CSMD3: variants seen among roughly 807,000 people sequenced by gnomAD.
The protein encoded by CSMD3 is CUB and sushi domain-containing protein 3.
Under a neutral mutation model 435.2 loss-of-function variants are expected in CSMD3, and 177 were observed. That is an observed-to-expected ratio of 0.41 (90% confidence interval 0.36 to 0.46). The LOEUF is 0.46. CSMD3 is among the 20% of genes least tolerant of loss of function. The probability of loss-of-function intolerance (pLI) is 0.34; values close to 1 mark genes in which losing one functional copy is unlikely to be tolerated. For missense variants in CSMD3, 4,265 were observed against 4,504.6 expected, an observed-to-expected ratio of 0.95 and a Z score of 1.52; for synonymous variants, 1,656 against 1,520.5, an observed-to-expected ratio of 1.09 and a Z score of -2.07.
intron 11 of CSMD3, among the ~76,000 whole-genome samples, chr8:112,840,549 T>C (rs2080149710): frequency 6.6e-6 from 1 of 151,744 alleles, no homozygotes; most frequent in Non-Finnish European, 1.5e-5. Flanking sequence ...TTTTGAATGT[T>C]ATTATACAAA....
intron 39 of CSMD3, 125 bp downstream of exon 39, chr8:112,352,291 A>C: frequency 7.1e-7 from 1 of 1,400,920 alleles, no homozygotes; most frequent in East Asian, 2.4e-5. Flanking sequence ...CAAATTGAGC[A>C]CCCTTTTGAC....
intron 45 of CSMD3, 75 bp downstream of exon 45, chr8:112,335,254 A>G (rs1824447318): frequency 7.3e-7 from 1 of 1,367,726 alleles, no homozygotes; most frequent in Admixed American, 1.7e-5. Context: ...TTGGTTAAAT[A>G]TATATTACAT....
chr8:113,412,919 A>G (rs546586641), intron 1 of CSMD3, among the ~76,000 whole-genome samples: 6 of 152,224 alleles, frequency 3.9e-5, no homozygotes, highest in South Asian at 4.1e-4. Context: ...ACACATAATC[A>G]TGCACACGGA....
intron 31 of CSMD3, among the ~76,000 whole-genome samples, chr8:112,490,944 C>T (rs1203350995): frequency 1.3e-5 from 2 of 152,160 alleles, no homozygotes; most frequent in South Asian, 2.1e-4. Flanking sequence ...ATTCCTTTTG[C>T]CTTCTGATAG....
intron 10 of CSMD3, among the ~76,000 whole-genome samples, chr8:112,908,270 G>A (rs1254550982): frequency 3.3e-5 from 5 of 151,366 alleles, no homozygotes; most frequent in East Asian, 2.0e-4. Flanking sequence ...GGTCATATGT[G>A]TATACATACA....
chr8:113,257,825 A>G lies in CSMD3; in HGVS notation c.514+20767T>C, dbSNP rs73335555. Among the ~76,000 whole-genome samples, 1,130 of 152,292 alleles carry G rather than the reference A, an allele frequency of 7.4e-3. 21 individuals are homozygous for G. The highest frequency in any genetic ancestry group is 0.026 in the African/African-American group (1,074 of 41,568). ...ATTGCTCACATCAACTTCAACAAAT[A>G]CACTGTTTAGTGAAACATGAGTCTT... On this transcript the variant is annotated intron_variant, in intron 3 of 70. Coordinates refer to ENST00000297405, the MANE Select transcript of CSMD3 (RefSeq NM_198123.2).
intron 4 of CSMD3, among the ~76,000 whole-genome samples, chr8:113,126,567 T>C (rs79033755): frequency 0.011 from 1,622 of 151,942 alleles, 30 homozygotes; most frequent in African/African-American, 0.037. Context: ...TTTGATGACA[T>C]TAATAAATGC....
At chr8:112,703,354 C>T (rs1340482213) in intron 13 of CSMD3, among the ~76,000 whole-genome samples, 1 of 152,072 alleles carries the variant, frequency 6.6e-6, no homozygotes, top group African/African-American at 2.4e-5. Flanking sequence ...AAAAGCAGAG[C>T]AGTCAGAATG....
At chr8:112,410,298 G>C (rs199829727) in intron 32 of CSMD3, among the ~76,000 whole-genome samples, 3,185 of 150,872 alleles carry the variant, frequency 0.021, 42 homozygotes, top group South Asian at 0.032. Flanking sequence ...AACATTGGCT[G>C]TGCTAAAATT....
intron 32 of CSMD3, among the ~76,000 whole-genome samples, chr8:112,445,659 G>C (rs1236643087): frequency 3.3e-5 from 5 of 152,080 alleles, no homozygotes; most frequent in African/African-American, 1.2e-4. Flanking sequence ...CAACATCAAG[G>C]ATCACATTTC....
At chr8:113,374,840 AAAAAAAAC>A (rs1439286794) in intron 1 of CSMD3, among the ~76,000 whole-genome samples, 8,401 of 38,952 alleles carry the variant, frequency 0.22, 329 homozygotes, top group Non-Finnish European at 0.28. Context: ...AAAAAAAAAA[AAAAAAAAC>A]CAATAAAATG....
At chr8:113,287,411 A>T (rs1454942440) in intron 2 of CSMD3, among the ~76,000 whole-genome samples, 1 of 152,088 alleles carries the variant, frequency 6.6e-6, no homozygotes, top group Non-Finnish European at 1.5e-5. Flanking sequence ...TAAATCATGC[A>T]TATCCTATTG....
chr8:112,761,511 C>G (rs532135455), intron 13 of CSMD3, among the ~76,000 whole-genome samples: 7 of 151,868 alleles, frequency 4.6e-5, no homozygotes, highest in African/African-American at 1.7e-4. Context: ...TAAGTGTTAC[C>G]CCTCTTCTAT....
chr8:113,414,341 A>G (rs907368732), intron 1 of CSMD3, among the ~76,000 whole-genome samples: 13 of 152,214 alleles, frequency 8.5e-5, no homozygotes, highest in Non-Finnish European at 1.8e-4. Flanking sequence ...GCTTTATCAT[A>G]TAAGATACTA....
chr8:113,185,017 T>C (rs2092478046), intron 3 of CSMD3, among the ~76,000 whole-genome samples: 1 of 152,032 alleles, frequency 6.6e-6, no homozygotes, highest in Non-Finnish European at 1.5e-5. Flanking sequence ...GCAGCAACAC[T>C]AGTGGGTAGC....
chr8:112,624,196 G>A (rs750407790), intron 22 of CSMD3, among the ~76,000 whole-genome samples: 18 of 151,820 alleles, frequency 1.2e-4, no homozygotes, highest in Non-Finnish European at 2.1e-4. Context: ...ATTTTATGTA[G>A]AATGCTTATA....
chr8:112,664,686 T>A (rs1375962723), intron 17 of CSMD3, among the ~76,000 whole-genome samples: 1 of 152,054 alleles, frequency 6.6e-6, no homozygotes, highest in Non-Finnish European at 1.5e-5. Flanking sequence ...GTAATTAAGG[T>A]AAAGTGAGAT....
At chr8:112,484,685 G>A (rs1439084993) in intron 31 of CSMD3, among the ~76,000 whole-genome samples, 1 of 152,028 alleles carries the variant, frequency 6.6e-6, no homozygotes, top group African/African-American at 2.4e-5. Context: ...CAAGTCAATG[G>A]TAACAATAAA....
At chr8:113,085,884 C>A (rs2131477747) in intron 5 of CSMD3, among the ~76,000 whole-genome samples, 1 of 152,138 alleles carries the variant, frequency 6.6e-6, no homozygotes, top group Non-Finnish European at 1.5e-5. Flanking sequence ...ATATAGTTAA[C>A]AATAATTCAT....
Sources: allele counts gnomAD v4.1 joint callset (sites outside exome capture counted in the v4.1 genomes callset), GRCh38; gene constraint gnomAD v4.1.1; transcripts MANE v1.5; gene names NCBI Gene and HGNC (gene_info 2026-07-23, HGNC 2026-07-21).